CDH12: variants seen among roughly 807,000 people sequenced by gnomAD.
The protein encoded by CDH12 is cadherin 12.
CDH12 carries 41 observed loss-of-function variants against 74.1 expected under a neutral mutation model. The ratio of observed to expected loss-of-function variants is 0.55; its 90% CI spans 0.43 to 0.72. The LOEUF is 0.72. CDH12 is among the 30% of genes least tolerant of loss of function. The pLI is 0.00. For synonymous variants in CDH12, 399 were observed against 355.0 expected, an observed-to-expected ratio of 1.12 and a Z score of -1.39; for missense variants, 945 against 977.2, an observed-to-expected ratio of 0.97 and a Z score of 0.44.
intron 3 of CDH12, among the ~76,000 whole-genome samples, chr5:22,398,724 A>G (rs1190722032): frequency 6.6e-6 from 1 of 152,118 alleles, no homozygotes; most frequent in Non-Finnish European, 1.5e-5. Context: ...GAGCCTTTCT[A>G]TTATCTGCAT....
chr5:22,512,130 A>G (rs1379419425), intron 1 of CDH12, among the ~76,000 whole-genome samples: 2 of 152,202 alleles, frequency 1.3e-5, no homozygotes, highest in African/African-American at 4.8e-5. Flanking sequence ...TGAGTTATAG[A>G]TACATAAGTA....
At chr5:22,030,996 A>T (rs560396791) in intron 5 of CDH12, among the ~76,000 whole-genome samples, 11 of 152,082 alleles carry the variant, frequency 7.2e-5, no homozygotes, top group Non-Finnish European at 1.3e-4. Context: ...CCTTCACAGA[A>T]TTGAGGAGAG....
At chr5:22,848,230 C>T (rs764445620) in intron 1 of CDH12, among the ~76,000 whole-genome samples, 6 of 152,174 alleles carry the variant, frequency 3.9e-5, no homozygotes, top group Non-Finnish European at 8.8e-5. Flanking sequence ...TGTAAACTTA[C>T]TAATTTTTCA....
At chr5:22,471,244 A>G (rs543068600) in intron 2 of CDH12, among the ~76,000 whole-genome samples, 7 of 152,296 alleles carry the variant, frequency 4.6e-5, no homozygotes, top group African/African-American at 1.4e-4. Context: ...TGTTCTGCCA[A>G]CAACCAATCG....
intron 1 of CDH12, among the ~76,000 whole-genome samples, chr5:22,572,443 ACAAAAG>A (rs2126767766): frequency 6.6e-6 from 1 of 152,258 alleles, no homozygotes; most frequent in Non-Finnish European, 1.5e-5. Flanking sequence ...TATTTCTTTC[ACAAAAG>A]CAGTTAGTGG....
chr5:22,250,550 A>G (rs1255319936), intron 3 of CDH12, among the ~76,000 whole-genome samples: 3 of 152,166 alleles, frequency 2.0e-5, no homozygotes, highest in African/African-American at 4.8e-5. Flanking sequence ...ACTAAATCCA[A>G]TCTATATTCT....
intron 3 of CDH12, among the ~76,000 whole-genome samples, chr5:22,226,923 A>G (rs1404237151): frequency 6.6e-6 from 1 of 151,888 alleles, no homozygotes; most frequent in Non-Finnish European, 1.5e-5. Flanking sequence ...ATGTTGCCTC[A>G]ATATAATGGA....
At chr5:22,803,622 G>A (rs572749750) in intron 1 of CDH12, among the ~76,000 whole-genome samples, 22 of 152,128 alleles carry the variant, frequency 1.4e-4, no homozygotes, top group East Asian at 5.8e-4. Flanking sequence ...ATGTTCTCTC[G>A]TTTAGCATCA....
At position 22,524,828 on chromosome 5, in the gene CDH12, T is replaced by C. The variant is rs894836775; in HGVS notation, c.-522-19464A>G. Among the ~76,000 whole-genome samples, 3 of 152,246 alleles carry C rather than the reference T, an allele frequency of 2.0e-5. No homozygotes were observed. In the South Asian group the frequency reaches 6.2e-4, roughly 32 times the overall value. On this transcript the variant is annotated intron_variant, in intron 1 of 14. Coordinates refer to ENST00000382254, the MANE Select transcript of CDH12 (RefSeq NM_004061.5). The stretch of plus-strand genomic sequence containing the variant: ...ATTTTTATTTATTTATTTTTTATTA[T>C]ACTTTAAGTTTTAGGGTACATGTGC...
intron 6 of CDH12, among the ~76,000 whole-genome samples, chr5:21,965,318 G>T (rs938147101): frequency 1.3e-5 from 2 of 151,778 alleles, no homozygotes; most frequent in African/African-American, 4.8e-5. Flanking sequence ...GGGGAAAAAG[G>T]GTATATTAAA....
intron 1 of CDH12, among the ~76,000 whole-genome samples, chr5:22,515,133 A>G (rs1702106525): frequency 6.6e-6 from 1 of 152,134 alleles, no homozygotes; most frequent in Non-Finnish European, 1.5e-5. Flanking sequence ...TAAATTTAAG[A>G]AAAGGATATA....
intron 4 of CDH12, among the ~76,000 whole-genome samples, chr5:22,094,393 G>A (rs1743621136): frequency 6.6e-6 from 1 of 152,106 alleles, no homozygotes; most frequent in Non-Finnish European, 1.5e-5. Context: ...AATACATAAT[G>A]GTATGAGTAG....
intron 3 of CDH12, among the ~76,000 whole-genome samples, chr5:22,338,619 A>G (rs772659829): frequency 2.0e-5 from 3 of 152,180 alleles, no homozygotes; most frequent in East Asian, 3.9e-4. Flanking sequence ...ATGAATACCC[A>G]ATTTTCCATT....
chr5:22,825,226 A>ATG (rs905115246), intron 1 of CDH12, among the ~76,000 whole-genome samples: 8 of 151,670 alleles, frequency 5.3e-5, no homozygotes, highest in African/African-American at 1.9e-4. Context: ...TGGTGTGGGT[A>ATG]TGTGTGTGTG....
intron 4 of CDH12, among the ~76,000 whole-genome samples, chr5:22,119,613 T>C (rs144656864): frequency 0.012 from 1,798 of 152,128 alleles, 33 homozygotes; most frequent in African/African-American, 0.04. Flanking sequence ...TTAAGATGCA[T>C]TGGAAGGAAG....
At chr5:22,244,508 AAAAAAAAAAAAAAAAAAAAAAAAAAGAAG>A (rs1476895112) in intron 3 of CDH12, among the ~76,000 whole-genome samples, 1 of 17,108 alleles carries the variant, frequency 5.8e-5, no homozygotes, top group Admixed American at 1.4e-3. Context: ...AAAAAAAAAA[AAAAAAAAAAAAAAAAAAAAAAAAAAGAAG>A]AAGAAGAAGA....
Position 22,212,548 on chromosome 5 carries a change from C to G in CDH12, c.-237G>C, listed in dbSNP as rs1489169058. Reference sequence around the variant, plus strand: ...GAGGTGAGAAATCCGTCAAATCAACCGTGAATGGGGTGGGGAGATCGAAGT... The same window carrying G: ...GAGGTGAGAAATCCGTCAAATCAACGGTGAATGGGGTGGGGAGATCGAAGT... On this transcript the variant is annotated 5_prime_UTR_variant, in exon 4 of 15. Coordinates refer to ENST00000382254, the MANE Select transcript of CDH12 (RefSeq NM_004061.5). The G allele has an allele frequency of 1.0e-6, 1 of 985,394 alleles. No individual in the cohort carries two copies. Among genetic ancestry groups the G allele is most frequent in the Non-Finnish European group, 1.2e-6 (1 of 829,696 alleles). 61.0% of individuals were successfully genotyped at this position (985,394 alleles called of 1,614,324 possible). A position where few individuals can be genotyped will look rare whatever the true frequency, so the allele number is the denominator to read the frequency against.
intron 6 of CDH12, among the ~76,000 whole-genome samples, chr5:21,878,687 C>A (rs1240515801): frequency 6.6e-6 from 1 of 151,240 alleles, no homozygotes; most frequent in Admixed American, 6.6e-5. Flanking sequence ...GTTTGCAGTG[C>A]TGAGATCCTG....
intron 1 of CDH12, among the ~76,000 whole-genome samples, chr5:22,639,943 A>G (rs975659972): frequency 3.3e-5 from 5 of 152,232 alleles, no homozygotes; most frequent in African/African-American, 1.2e-4. Flanking sequence ...AATTTCTGCA[A>G]ATAAAATCTT....
Sources: allele counts gnomAD v4.1 joint callset (sites outside exome capture counted in the v4.1 genomes callset), GRCh38; gene constraint gnomAD v4.1.1; transcripts MANE v1.5; gene names NCBI Gene and HGNC (gene_info 2026-07-23, HGNC 2026-07-21).